Variants in KDM4A observed in about 807,000 individuals in gnomAD.
The protein encoded by KDM4A is lysine demethylase 4A, also known as lysine-specific demethylase 4A.
In KDM4A, 23 loss-of-function variants were observed where a neutral mutation model predicts 127.1. The observed-to-expected ratio is 0.18, with a 90% CI of 0.13 to 0.26. KDM4A has a LOEUF of 0.26. Ranked by LOEUF, KDM4A falls within the 10% of genes least tolerant of loss-of-function variation. The pLI is 1.00. For synonymous variants in KDM4A, 443 were observed against 466.5 expected, an observed-to-expected ratio of 0.95 and a Z score of 0.65; for missense variants, 890 against 1,329.1, an observed-to-expected ratio of 0.67 and a Z score of 5.14.
At chr1:43,654,945 G>T (rs1028377183) in intron 2 of KDM4A, among the ~76,000 whole-genome samples, 1 of 151,882 alleles carries the variant, frequency 6.6e-6, no homozygotes, top group Non-Finnish European at 1.5e-5. Flanking sequence ...TCTGCCTCCG[G>T]GTTCAAGCGA....
At chr1:43,658,121 A>G (rs1414964345) in intron 3 of KDM4A, among the ~76,000 whole-genome samples, 4 of 145,520 alleles carry the variant, frequency 2.7e-5, no homozygotes, top group Non-Finnish European at 6.0e-5. Context: ...CCCAGGCTGG[A>G]GTGCAGTGGC....
At chr1:43,685,994 C>T (rs1043442138) in intron 12 of KDM4A, among the ~76,000 whole-genome samples, 2 of 152,216 alleles carry the variant, frequency 1.3e-5, no homozygotes, top group South Asian at 4.2e-4. Flanking sequence ...AAGAGGAATA[C>T]AAAATTACCC....
At chr1:43,665,395 T>TATGA (rs1012566375) in intron 5 of KDM4A, among the ~76,000 whole-genome samples, 4 of 152,164 alleles carry the variant, frequency 2.6e-5, no homozygotes, top group African/African-American at 9.7e-5. Flanking sequence ...AATGTTATTA[T>TATGA]ATGAACAACA....
chr1:43,667,381 G>A (rs1660522716), intron 8 of KDM4A, among the ~76,000 whole-genome samples: 1 of 152,120 alleles, frequency 6.6e-6, no homozygotes, highest in African/African-American at 2.4e-5. Flanking sequence ...GAAATTTTTA[G>A]GGGTTTCCTT....
At chr1:43,656,800 A>G (rs557528907) in intron 3 of KDM4A, among the ~76,000 whole-genome samples, 30 of 150,216 alleles carry the variant, frequency 2.0e-4, no homozygotes, top group African/African-American at 6.4e-4. Flanking sequence ...GTCTCGGCTC[A>G]CTGCAACCTC....
chr1:43,690,284 AG>A (rs1661078151), intron 13 of KDM4A, among the ~76,000 whole-genome samples: 1 of 151,616 alleles, frequency 6.6e-6, no homozygotes, highest in Non-Finnish European at 1.5e-5. Context: ...GTAGCACGTA[AG>A]GGAGCCCACA....
Position 43,663,085 on chromosome 1 carries a change from C to A in KDM4A, c.621C>A (p.Ser207=). ...ACCTGCACTTTGGAGAACCAAAGTC[C>A]TGGTACAGTCTGCCTGCAGTCGGCA... ...INYLHFGEPK[S]WYSVPPEHGK... is the part of the protein sequence containing the mutation. The change falls in exon 5 of 22, where the codon TCC becomes TCA. Residue 207 remains serine, a splice_region_variant and synonymous_variant. Transcript: ENST00000372396. The A allele has an allele frequency of 6.2e-7, 1 of 1,611,164 alleles. No homozygotes were observed. Among genetic ancestry groups the A allele is most frequent in the Non-Finnish European group, 8.5e-7 (1 of 1,178,336 alleles).
intron 12 of KDM4A, among the ~76,000 whole-genome samples, chr1:43,687,802 T>G (rs1661021429): frequency 6.6e-6 from 1 of 152,186 alleles, no homozygotes; most frequent in Non-Finnish European, 1.5e-5. Context: ...GAGCAAACTT[T>G]TTTTGTTTTC....
intron 7 of KDM4A, 21 bp from the exon 8 acceptor site, chr1:43,666,933 T>C (rs755657502): frequency 6.2e-7 from 1 of 1,613,220 alleles, no homozygotes; most frequent in Non-Finnish European, 8.5e-7. Flanking sequence ...AAGCAGCTGC[T>C]TCAAGTCTGC....
In KDM4A at chr1:43,703,725, C is replaced by G; in HGVS notation, c.2950C>G (p.Gln984Glu). The G allele has an allele frequency of 6.2e-7, 1 of 1,614,090 alleles. No homozygotes were observed. Among genetic ancestry groups the G allele is most frequent in the Admixed American group, 1.7e-5 (1 of 60,014 alleles). The change falls in exon 20 of 22, where the codon CAA (glutamine) becomes GAA (glutamate). Residue 984 changes from glutamine (Q) to glutamate (E), a missense_variant. Around this residue, in one of 7 missense-constraint regions of KDM4A, gnomAD observed 246 missense variants for 418.4 expected, o/e 0.59. Transcript: ENST00000372396. Reference protein sequence around the residue: ...GAKFVASHPIQMYQVEFEDGS... With the variant: ...GAKFVASHPIEMYQVEFEDGS... ...CAAGTTTGTGGCCTCCCACCCTATC[C>G]AAATGTACCAGGTATCCAAAGTTCT...
chr1:43,680,150 A>C (rs1285813214), intron 11 of KDM4A, among the ~76,000 whole-genome samples: 1 of 152,148 alleles, frequency 6.6e-6, no homozygotes, highest in East Asian at 1.9e-4. Context: ...GAGATGAGGA[A>C]ATGTGAAAAG....
intron 3 of KDM4A, among the ~76,000 whole-genome samples, chr1:43,657,831 G>A (rs509173): frequency 0.78 from 113,660 of 145,388 alleles, 45,076 homozygotes; most frequent in African/African-American, 0.92. Context: ...GCTCATTGCA[G>A]CCTCCGCCTC....
intron 1 of KDM4A, among the ~76,000 whole-genome samples, chr1:43,651,519 G>A (rs574209592): frequency 6.6e-6 from 1 of 152,166 alleles, no homozygotes; most frequent in Non-Finnish European, 1.5e-5. Flanking sequence ...TGTGCTCCGT[G>A]TTCTGCTCCC....
In KDM4A at chr1:43,694,184, G is replaced by C. The variant is rs976453241; in HGVS notation, c.2484+82G>C. The C allele has an allele frequency of 9.0e-7, 1 of 1,114,840 alleles. No individual in the cohort carries two copies. Among genetic ancestry groups the C allele is most frequent in the East Asian group, 2.6e-5 (1 of 39,186 alleles). The allele number at this position is 1,114,840 out of a possible 1,614,324, so 69.1% of individuals were successfully genotyped here. On this transcript the variant is annotated intron_variant, in intron 17 of 21. Coordinates refer to ENST00000372396, the MANE Select transcript of KDM4A (RefSeq NM_014663.3). The surrounding 1 kb of genome is among the most constrained non-coding windows in gnomAD (Gnocchi z 5.2). ...GAACAGGGACCTCCTGTACCCCTTG[G>C]TTTTGGTTAGAGTTTGTGATTCTCA...
At chr1:43,699,091 ATTTTTTTTTTTT>A (rs61194980) in intron 19 of KDM4A, among the ~76,000 whole-genome samples, 1 of 126,420 alleles carries the variant, frequency 7.9e-6, no homozygotes, top group African/African-American at 2.8e-5. Flanking sequence ...GCCTGGCCTT[ATTTTTTTTTTTT>A]TTTTTTTGAG....
chr1:43,669,649 ATTTTTT>A (rs35764940), intron 10 of KDM4A, among the ~76,000 whole-genome samples: 3 of 141,182 alleles, frequency 2.1e-5, no homozygotes, highest in African/African-American at 7.9e-5. Context: ...GGAGATGGGA[ATTTTTT>A]TTTTTTTTTT....
At chr1:43,682,793 G>GGT (rs1660887511) in intron 11 of KDM4A, among the ~76,000 whole-genome samples, 1 of 152,104 alleles carries the variant, frequency 6.6e-6, no homozygotes, top group African/African-American at 2.4e-5. Flanking sequence ...GTAGGCCCAG[G>GGT]GTGTGTTCTC....
intron 4 of KDM4A, among the ~76,000 whole-genome samples, chr1:43,661,728 T>A (rs1029238697): frequency 6.6e-6 from 1 of 150,950 alleles, no homozygotes; most frequent in African/African-American, 2.4e-5. Flanking sequence ...TGTAAGGATC[T>A]GGGATGGAGA....
At chr1:43,692,918 G>A (rs1661151438) in intron 16 of KDM4A, among the ~76,000 whole-genome samples, 1 of 152,210 alleles carries the variant, frequency 6.6e-6, no homozygotes, top group African/African-American at 2.4e-5. Flanking sequence ...TGAGGTTTCT[G>A]ACCTGGAAGA....
Sources: allele counts gnomAD v4.1 joint callset (sites outside exome capture counted in the v4.1 genomes callset), GRCh38; gene constraint gnomAD v4.1.1; regional missense constraint gnomAD v4.1.1; non-coding constraint Gnocchi (gnomAD v3.1); transcripts MANE v1.5; gene names NCBI Gene and HGNC (gene_info 2026-07-23, HGNC 2026-07-21).